The following SHANK2 variants were observed in gnomAD, a reference collection of about 807,000 sequenced individuals.
The protein encoded by SHANK2 is SH3 and multiple ankyrin repeat domains protein 2.
A neutral mutation model predicts 133.7 loss-of-function variants in SHANK2; 43 were observed. That is an observed-to-expected ratio of 0.32 (90% CI 0.25 to 0.41). SHANK2 has a LOEUF of 0.41. Among genes scored for constraint, SHANK2 ranks in the 10% least tolerant of loss-of-function variants. The probability of loss-of-function intolerance (pLI) is 1.00; values close to 1 mark genes in which losing one functional copy is unlikely to be tolerated. For synonymous variants in SHANK2, 1,017 were observed against 952.8 expected, an observed-to-expected ratio of 1.07 and a Z score of -1.24; for missense variants, 1,994 against 2,235.8, an observed-to-expected ratio of 0.89 and a Z score of 2.18.
At position 70,719,748 on chromosome 11, in the gene SHANK2, C is replaced by T. The variant is rs186795283; in HGVS notation, c.1778-20985G>A. On this transcript the variant is annotated intron_variant, in intron 14 of 25. Transcript: ENST00000601538. The stretch of plus-strand genomic sequence containing the variant: ...AGCAAGGGTTTCCACAACAGCCCCG[C>T]GCTCCCCTGCTCCAGCATTTGACAC... Among the ~76,000 whole-genome samples the T allele has an allele frequency of 1.9e-4, 29 of 151,558 alleles. No homozygotes were observed. The South Asian group carries it at 4.0e-3, about 21-fold the overall frequency.
chr11:70,686,812 G>C (rs535467820), intron 15 of SHANK2, among the ~76,000 whole-genome samples: 1 of 152,210 alleles, frequency 6.6e-6, no homozygotes, highest in Non-Finnish European at 1.5e-5. Flanking sequence ...GGGCAGAGGC[G>C]GGGATCAGTG....
chr11:70,924,819 T>C (rs1321383553), intron 10 of SHANK2, among the ~76,000 whole-genome samples: 1 of 152,140 alleles, frequency 6.6e-6, no homozygotes, highest in Non-Finnish European at 1.5e-5. Context: ...CACAAAACCT[T>C]ATAAGAGAAA....
At chr11:70,769,628 C>A (rs1947203591) in intron 14 of SHANK2, among the ~76,000 whole-genome samples, 3 of 152,210 alleles carry the variant, frequency 2.0e-5, no homozygotes, top group South Asian at 4.1e-4. Flanking sequence ...TGCACATGTA[C>A]ACATGTGTAA....
At chr11:71,118,676 C>T (rs569909407) in intron 4 of SHANK2, among the ~76,000 whole-genome samples, 153 bp downstream of exon 4, 2 of 152,140 alleles carry the variant, frequency 1.3e-5, no homozygotes, top group African/African-American at 2.4e-5. Context: ...CAAATCATAT[C>T]AAACCTCAAG....
chr11:70,685,571 G>C (rs1204086903), intron 15 of SHANK2, among the ~76,000 whole-genome samples: 1 of 152,186 alleles, frequency 6.6e-6, no homozygotes, highest in Non-Finnish European at 1.5e-5. Flanking sequence ...GAAAGAGAGG[G>C]AAGCAGATTC....
intron 17 of SHANK2, among the ~76,000 whole-genome samples, chr11:70,582,953 C>T (rs1376470422): frequency 6.6e-6 from 1 of 152,198 alleles, no homozygotes; most frequent in Non-Finnish European, 1.5e-5. Flanking sequence ...GCAGGGTCTG[C>T]TGTGCAGCTC....
chr11:70,896,382 T>C, intron 11 of SHANK2, 119 bp downstream of exon 11: 1 of 606,606 alleles, frequency 1.6e-6, no homozygotes, highest in East Asian at 2.8e-5. Context: ...TATGTTAAGT[T>C]TTGCTAAAAG....
chr11:70,533,026 A>G (rs11236570), intron 17 of SHANK2, among the ~76,000 whole-genome samples: 46,825 of 152,032 alleles, frequency 0.31, 7,655 homozygotes, highest in East Asian at 0.59. Context: ...TTGCATTTCT[A>G]TGTAATGTCC....
chr11:71,166,020 G>GC (rs1333197983), intron 2 of SHANK2, among the ~76,000 whole-genome samples: 8 of 152,104 alleles, frequency 5.3e-5, no homozygotes, highest in Non-Finnish European at 7.4e-5. Context: ...GTGTCCACAC[G>GC]CCCCCCAGCC....
intron 14 of SHANK2, among the ~76,000 whole-genome samples, chr11:70,770,346 G>A (rs950878035): frequency 2.0e-5 from 3 of 152,324 alleles, no homozygotes; most frequent in East Asian, 3.9e-4. Flanking sequence ...GGTGACTGGG[G>A]TCATGGCCAT....
At chr11:70,913,960 G>A (rs975342706) in intron 10 of SHANK2, among the ~76,000 whole-genome samples, 6 of 152,230 alleles carry the variant, frequency 3.9e-5, no homozygotes, top group African/African-American at 1.4e-4. Flanking sequence ...GCATCAGGGT[G>A]TTCTCGTTAG....
chr11:70,630,103 C>T (rs2060962471), intron 17 of SHANK2, among the ~76,000 whole-genome samples: 1 of 152,324 alleles, frequency 6.6e-6, no homozygotes, highest in African/African-American at 2.4e-5. Context: ...TGGGCTTTGG[C>T]CCCCACTCAG....
rs528278411 is a variant in SHANK2 at position 70,594,608 on chromosome 11, G to A, written c.2061+65220C>T. Among the ~76,000 whole-genome samples, 10 of 152,276 alleles carry A rather than the reference G, an allele frequency of 6.6e-5. No individual in the cohort carries two copies. The South Asian group carries it at 8.3e-4, about 13-fold the overall frequency. ...GGTTGCCAGGCTGAGGGCGGGCAGG[G>A]GCAATGGGGCTCAGGTGCTTACTGG... On this transcript the variant is annotated intron_variant, in intron 17 of 25. Coordinates refer to ENST00000601538, the MANE Select transcript of SHANK2 (RefSeq NM_012309.5).
At chr11:71,069,623 G>T (rs897518758) in intron 9 of SHANK2, among the ~76,000 whole-genome samples, 5 of 152,204 alleles carry the variant, frequency 3.3e-5, no homozygotes, top group Non-Finnish European at 7.3e-5. Flanking sequence ...TAGCAACCCT[G>T]TGAATTCGGT....
At chr11:71,064,183 T>C (rs1387603433) in intron 9 of SHANK2, among the ~76,000 whole-genome samples, 5 of 152,164 alleles carry the variant, frequency 3.3e-5, no homozygotes, top group African/African-American at 1.2e-4. Flanking sequence ...GGGACACAGA[T>C]GCAAACCAGA....
At chr11:70,783,386 C>T (rs368965741) in intron 14 of SHANK2, among the ~76,000 whole-genome samples, 3 of 152,112 alleles carry the variant, frequency 2.0e-5, no homozygotes, top group East Asian at 1.9e-4. Context: ...AAGCGGACTA[C>T]GACTGCCCAC....
chr11:70,754,928 C>T (rs1352150962), intron 14 of SHANK2, among the ~76,000 whole-genome samples: 1 of 152,064 alleles, frequency 6.6e-6, no homozygotes, highest in Non-Finnish European at 1.5e-5. Context: ...CAGGGAGGCA[C>T]CTGGGTCCCT....
chr11:70,887,390 G>A (rs1254407561), intron 11 of SHANK2, among the ~76,000 whole-genome samples: 3 of 151,554 alleles, frequency 2.0e-5, no homozygotes, highest in Non-Finnish European at 2.9e-5. Flanking sequence ...AGAGGAAGGG[G>A]ACAGAAACAG....
At position 70,939,783 on chromosome 11, in the gene SHANK2, G is replaced by T. The variant is rs138516166; in HGVS notation, c.1108-43216C>A. Among the ~76,000 whole-genome samples the T allele has an allele frequency of 5.5e-3, 834 of 152,256 alleles. 6 individuals are homozygous for T. The highest frequency in any genetic ancestry group is 0.019 in the African/African-American group (794 of 41,550). On this transcript the variant is annotated intron_variant, in intron 10 of 25. Coordinates refer to ENST00000601538, the MANE Select transcript of SHANK2 (RefSeq NM_012309.5). ...AGGTAGGCAGAACAACGGCCTAGAA[G>T]AGATCAAGTCCCAATCCCTGGAGCC...
Sources: gnomAD v4.1 joint callset for allele counts (sites outside exome capture counted in the v4.1 genomes callset) on GRCh38, gnomAD v4.1.1 for gene constraint, MANE v1.5 for transcripts, NCBI Gene and HGNC (gene_info 2026-07-23, HGNC 2026-07-21) for gene names.